TMEM132D: variants seen among roughly 807,000 people sequenced by gnomAD.
The protein encoded by TMEM132D is transmembrane protein 132D.
In TMEM132D, 21 loss-of-function variants were observed where a neutral mutation model predicts 62.3. That is an observed-to-expected ratio of 0.34 (90% CI 0.24 to 0.49). The LOEUF is 0.49. Among genes scored for constraint, TMEM132D ranks in the 20% least tolerant of loss-of-function variants. The pLI, the probability that TMEM132D is intolerant of heterozygous loss-of-function variation, is 0.99. For missense variants in TMEM132D, 1,346 were observed against 1,402.8 expected (o/e 0.96, Z 0.65); for synonymous variants, 621 against 575.6 (o/e 1.08, Z -1.13).
intron 2 of TMEM132D, among the ~76,000 whole-genome samples, chr12:129,685,675 G>A (rs181407778): frequency 6.6e-6 from 1 of 152,266 alleles, no homozygotes; most frequent in African/African-American, 2.4e-5. Context: ...CTGTCCCCCA[G>A]ACCCTAGAAG....
rs1049085444 is a variant in TMEM132D at position 129,082,087 on chromosome 12, G to C, written c.1650-55C>G. 2.6e-6 allele frequency: 4 copies of C among 1,540,798 alleles called. No homozygotes were observed. The African/African-American group carries it at 4.1e-5, about 16-fold the overall frequency. On this transcript the variant is annotated intron_variant, in intron 6 of 8. Transcript: ENST00000422113. ...AGTTACTTGTTGGTCCTCTGTAAGG[G>C]GCCGTGTGTGGAGCCTGGTGGGGGC...
chr12:129,707,178 T>C (rs1881526079), intron 1 of TMEM132D, among the ~76,000 whole-genome samples: 1 of 148,128 alleles, frequency 6.8e-6, no homozygotes, highest in Non-Finnish European at 1.5e-5. Flanking sequence ...ATATATACTA[T>C]ATCTATAATA....
At chr12:129,531,708 T>C (rs1344041603) in intron 2 of TMEM132D, among the ~76,000 whole-genome samples, 1 of 152,098 alleles carries the variant, frequency 6.6e-6, no homozygotes, top group Admixed American at 6.5e-5. Context: ...GAGGTTCAGA[T>C]AGGGGAAGGA....
chr12:129,786,495 G>A (rs1036151420), intron 1 of TMEM132D, among the ~76,000 whole-genome samples: 7 of 152,222 alleles, frequency 4.6e-5, no homozygotes, highest in South Asian at 2.1e-4. Flanking sequence ...GAGCGAAGAC[G>A]AACCTTCATG....
At chr12:129,766,081 C>A (rs1023747486) in intron 1 of TMEM132D, among the ~76,000 whole-genome samples, 4 of 152,186 alleles carry the variant, frequency 2.6e-5, no homozygotes, top group African/African-American at 9.7e-5. Flanking sequence ...CATTTCTGCA[C>A]AATGCTGCCT....
intron 2 of TMEM132D, among the ~76,000 whole-genome samples, chr12:129,601,916 C>T (rs1878492983): frequency 6.6e-6 from 1 of 152,014 alleles, no homozygotes; most frequent in Admixed American, 6.6e-5. Context: ...TGCCAGTAGA[C>T]TTGTTCAATG....
intron 2 of TMEM132D, among the ~76,000 whole-genome samples, chr12:129,568,108 T>C (rs1294048526): frequency 6.6e-6 from 1 of 152,248 alleles, no homozygotes; most frequent in Non-Finnish European, 1.5e-5. Context: ...AGATGGAAAC[T>C]GCTTGGGTGG....
At chr12:129,692,929 C>T (rs114124324) in intron 2 of TMEM132D, among the ~76,000 whole-genome samples, 1 of 152,066 alleles carries the variant, frequency 6.6e-6, no homozygotes, top group Admixed American at 6.5e-5. Context: ...TGCAGCAAAC[C>T]ACCACGGCAC....
At chr12:129,592,336 C>T (rs542910482) in intron 2 of TMEM132D, among the ~76,000 whole-genome samples, 2 of 152,290 alleles carry the variant, frequency 1.3e-5, no homozygotes, top group African/African-American at 4.8e-5. Context: ...CTAAAAGGCA[C>T]TCCCAAATTA....
intron 1 of TMEM132D, among the ~76,000 whole-genome samples, chr12:129,902,296 A>G (rs1292320852): frequency 1.3e-5 from 2 of 152,320 alleles, no homozygotes; most frequent in African/African-American, 2.4e-5. Context: ...GCAGAAAAAT[A>G]TGGGTACAGG....
intron 3 of TMEM132D, among the ~76,000 whole-genome samples, chr12:129,358,871 A>G (rs928583970): frequency 6.6e-6 from 1 of 152,138 alleles, no homozygotes; most frequent in Non-Finnish European, 1.5e-5. Flanking sequence ...AACAAAGACA[A>G]AAAAACCCAG....
At chr12:129,292,302 A>G (rs1299473210) in intron 4 of TMEM132D, among the ~76,000 whole-genome samples, 1 of 152,238 alleles carries the variant, frequency 6.6e-6, no homozygotes, top group Non-Finnish European at 1.5e-5. Flanking sequence ...TAATGTGGTC[A>G]GCAGAGAAAC....
intron 1 of TMEM132D, among the ~76,000 whole-genome samples, chr12:129,875,008 A>AAAAGAAGGATGATATT (rs1361383581): frequency 6.6e-6 from 1 of 152,264 alleles, no homozygotes; most frequent in Non-Finnish European, 1.5e-5. Context: ...AAAAGAAATG[A>AAAAGAAGGATGATATT]AAAGAAGGAT....
At chr12:129,725,144 T>C (rs7976272) in intron 1 of TMEM132D, among the ~76,000 whole-genome samples, 137,569 of 152,128 alleles carry the variant, frequency 0.9, 62,856 homozygotes, top group East Asian at 0.98. Flanking sequence ...GAATCGACCA[T>C]GATTAGATAT....
At chr12:129,249,336 C>T (rs1480268875) in intron 4 of TMEM132D, among the ~76,000 whole-genome samples, 1 of 152,202 alleles carries the variant, frequency 6.6e-6, no homozygotes, top group Non-Finnish European at 1.5e-5. Flanking sequence ...CATATCTAGG[C>T]ACCTTGCAGT....
chr12:129,457,505 T>C (rs1376087769), intron 3 of TMEM132D, among the ~76,000 whole-genome samples: 1 of 150,838 alleles, frequency 6.6e-6, no homozygotes, highest in Non-Finnish European at 1.5e-5. Context: ...GACGAGTTAA[T>C]GGGTGCAGCA....
At chr12:129,899,471 G>A (rs1235096969) in intron 1 of TMEM132D, among the ~76,000 whole-genome samples, 3 of 151,006 alleles carry the variant, frequency 2.0e-5, no homozygotes, top group East Asian at 2.0e-4. Context: ...GGATGGACTG[G>A]TGGATGGATG....
chr12:129,271,332 C>G (rs1478919349), intron 4 of TMEM132D, among the ~76,000 whole-genome samples: 1 of 151,854 alleles, frequency 6.6e-6, no homozygotes, highest in African/African-American at 2.4e-5. Context: ...GATTCTCTGA[C>G]TTGAAATCTT....
At position 129,087,908 on chromosome 12, in the gene TMEM132D, GGGGTGTCCTCCCTGACC is replaced by G. The variant is rs1565959431; in HGVS notation, c.1444-3223_1444-3207del. ...CCTGACCGGGGTGTCCTCCCTGACC[GGGGTGTCCTCCCTGACC>G]GGGTGTCCTCCATGACCGGGGTGTC... On this transcript the variant is annotated intron_variant, in intron 5 of 8. Coordinates refer to ENST00000422113, the MANE Select transcript of TMEM132D (RefSeq NM_133448.3). 4.5e-4 allele frequency among the ~76,000 whole-genome samples: 49 copies of G among 107,868 alleles called. 3 individuals carry two copies. The highest frequency in any genetic ancestry group is 1.6e-3 in the African/African-American group (36 of 22,774). 70.8% of individuals were successfully genotyped at this position (107,868 alleles called of 152,430 possible). A position where few individuals can be genotyped will look rare whatever the true frequency, so the allele number is the denominator to read the frequency against.
Sources: allele counts gnomAD v4.1 joint callset (sites outside exome capture counted in the v4.1 genomes callset), GRCh38; gene constraint gnomAD v4.1.1; transcripts MANE v1.5; gene names NCBI Gene and HGNC (gene_info 2026-07-23, HGNC 2026-07-21).